Variants in WDR86 observed in about 807,000 individuals in gnomAD.
WDR86 encodes WD repeat domain 86, also known as WD repeat-containing protein 86.
In WDR86, 30 loss-of-function variants were observed where a neutral mutation model predicts 36.5. The observed-to-expected ratio is 0.82, with a 90% confidence interval of 0.61 to 1.11. The LOEUF (loss-of-function observed/expected upper bound fraction) is 1.11. WDR86 is among the 50% of genes most tolerant of loss of function. The pLI, the probability that WDR86 is intolerant of heterozygous loss-of-function variation, is 0.00. For missense variants in WDR86, 545 were observed against 561.2 expected, an observed-to-expected ratio of 0.97 and a Z score of 0.29; for synonymous variants, 255 against 252.9, an observed-to-expected ratio of 1.01 and a Z score of -0.08.
the WDR86 span, among the ~76,000 whole-genome samples, chr7:151,370,381 G>A: frequency 6.6e-6 from 1 of 152,096 alleles, no homozygotes; most frequent in African/African-American, 2.4e-5. Flanking sequence ...GAGCCACTGC[G>A]ACCAGCTGAA....
At position 151,405,233 on chromosome 7, in the gene WDR86, G is replaced by C. The variant is rs566923431; in HGVS notation, c.163+4194C>G. On this transcript the variant is annotated intron_variant, in intron 1 of 5. Transcript: ENST00000334493. The surrounding 1 kb of genome is among the most constrained non-coding windows in gnomAD (Gnocchi z 4.7). The stretch of plus-strand genomic sequence containing the variant: ...GGGAGCCCACCGTGGGTTCCGACAA[G>C]TGGGAGCCGCAGCTGGAGACTCTAG... Among the ~76,000 whole-genome samples, 3 of 147,494 alleles carry C rather than the reference G, an allele frequency of 2.0e-5. No individual in the cohort carries two copies. In the South Asian group the frequency reaches 6.3e-4, roughly 31 times the overall value.
At chr7:151,379,242 C>G (rs1662739432), downstream of WDR86, among the ~76,000 whole-genome samples, 1 of 152,130 alleles carries the variant, frequency 6.6e-6, no homozygotes, top group South Asian at 2.1e-4. Context: ...GATTGCTGAT[C>G]ACAGCGGGGA....
rs372920499 is a variant in WDR86, at chr7:151,395,742, C to T, written c.726+34G>A. ...CAGTGCAGGGGGTGACCTGGGCTCCCCTGGCTGCTGGGCGGGGACCAGGAC... is the reference window on the plus strand; with the variant it reads ...CAGTGCAGGGGGTGACCTGGGCTCCTCTGGCTGCTGGGCGGGGACCAGGAC... On this transcript the variant is annotated intron_variant, in intron 3 of 5. Coordinates refer to ENST00000334493, the MANE Select transcript of WDR86 (RefSeq NM_198285.3). 16 of 1,520,254 alleles carry T rather than the reference C, an allele frequency of 1.1e-5. No individual in the cohort carries two copies. In the African/African-American group the frequency reaches 2.1e-4, roughly 20 times the overall value. 94.2% of individuals were successfully genotyped at this position (1,520,254 alleles called of 1,614,324 possible). A position where few individuals can be genotyped will look rare whatever the true frequency, so the allele number is the denominator to read the frequency against.
chr7:151,402,070 A>AAAATATATATATATATATATATAT, intron 1 of WDR86, among the ~76,000 whole-genome samples: 1 of 50,524 alleles, frequency 2.0e-5, no homozygotes, highest in Non-Finnish European at 3.3e-5. Flanking sequence ...AAAAAAAAAA[A>AAAATATATATATATATATATATAT]ATATATATAT....
Position 151,409,810 on chromosome 7 carries a change from C to T in WDR86, c.-221G>A. The T allele has an allele frequency of 7.9e-7, 1 of 1,260,286 alleles. No homozygotes were observed. Among genetic ancestry groups the T allele is most frequent in the Non-Finnish European group, 9.9e-7 (1 of 1,006,088 alleles). 78.1% of individuals were successfully genotyped at this position (1,260,286 alleles called of 1,614,324 possible). A position where few individuals can be genotyped will look rare whatever the true frequency, so the allele number is the denominator to read the frequency against. On this transcript the variant is annotated 5_prime_UTR_variant, in exon 1 of 6. Transcript: ENST00000334493. The surrounding 1 kb of genome is among the most constrained non-coding windows in gnomAD (Gnocchi z 5.2). ...AACCCAGGGCGCTGCGGGGGGCGGCCCACTCGGGACCTCCGCCCTGGGTAG... is the reference window on the plus strand; with the variant it reads ...AACCCAGGGCGCTGCGGGGGGCGGCTCACTCGGGACCTCCGCCCTGGGTAG...
rs534014089 is a variant in WDR86, at chr7:151,401,762, G to C, written c.164-1521C>G. Among the ~76,000 whole-genome samples, 27 of 152,010 alleles carry C rather than the reference G, an allele frequency of 1.8e-4. No individual in the cohort carries two copies. Among genetic ancestry groups the C allele is most frequent in the Admixed American group, 5.9e-4 (9 of 15,268 alleles). On this transcript the variant is annotated intron_variant, in intron 1 of 5. Coordinates refer to ENST00000334493, the MANE Select transcript of WDR86 (RefSeq NM_198285.3). This position sits in a 1 kb window ranked among gnomAD's most constrained non-coding sequence, Gnocchi z 4.3. ...TATCCGGGGGGTCCTAAATACAACC[G>C]CAAGTGGCCAGGCGCGGTGGCTCAC...
chr7:151,382,267 C>T (rs904220047), intron 4 of WDR86, among the ~76,000 whole-genome samples: 1 of 152,232 alleles, frequency 6.6e-6, no homozygotes, highest in African/African-American at 2.4e-5. Context: ...GTTTCCGTGC[C>T]TGCTTGGGAA....
chr7:151,404,352 G>C (rs891187635), intron 1 of WDR86, among the ~76,000 whole-genome samples: 3 of 152,222 alleles, frequency 2.0e-5, no homozygotes, highest in Admixed American at 6.5e-5. Flanking sequence ...GCTGTGGACA[G>C]GCCTCTTCCC....
rs1326997027 is a variant in WDR86, at chr7:151,396,024, C to G, written c.478G>C (p.Ala160Pro). ...GTCACCAGAAGCCCCCCGGCCGCGG[C>G]CTCCTCCGCGCAGGGAGTGCTGGGG... ...DLPSTPCAEEAAAGGLLVTGS... is the reference protein window; with the variant it reads ...DLPSTPCAEEPAAGGLLVTGS... The change falls in exon 3 of 6, where the codon GCC becomes CCC. Residue 160 changes from alanine to proline, a missense_variant. By Grantham distance (27) the Ala-to-Pro change is conservative. Coordinates refer to ENST00000334493, the MANE Select transcript of WDR86 (RefSeq NM_198285.3). 2 of 1,606,018 alleles carry G rather than the reference C, an allele frequency of 1.2e-6. No homozygotes were observed. The highest frequency in any genetic ancestry group is 1.7e-6 in the Non-Finnish European group (2 of 1,176,260).
At chr7:151,408,787 C>A in intron 1 of WDR86, 1 of 423,340 alleles carries the variant, frequency 2.4e-6, no homozygotes. Context: ...GAGTACAGGG[C>A]ACAAATAGAA....
rs1801084336 is a variant in WDR86 at position 151,409,864 on chromosome 7, C to T, written c.-275G>A. The T allele has an allele frequency of 8.3e-7, 1 of 1,199,092 alleles. No individual in the cohort carries two copies. Among genetic ancestry groups the T allele is most frequent in the East Asian group, 3.7e-5 (1 of 27,088 alleles). The allele number at this position is 1,199,092 out of a possible 1,614,324, so 74.3% of individuals were successfully genotyped here. On this transcript the variant is annotated 5_prime_UTR_variant, in exon 1 of 6. Coordinates refer to ENST00000334493, the MANE Select transcript of WDR86 (RefSeq NM_198285.3). The surrounding 1 kb of genome is among the most constrained non-coding windows in gnomAD (Gnocchi z 5.2). ...CCTGGGCGCGCGGGCAGAGAGAACCCCCTTCCCAGCACCGCTCGGAGGATC... is the reference window on the plus strand; with the variant it reads ...CCTGGGCGCGCGGGCAGAGAGAACCTCCTTCCCAGCACCGCTCGGAGGATC...
chr7:151,395,205 G>A (rs868406078), intron 3 of WDR86, among the ~76,000 whole-genome samples: 1 of 152,158 alleles, frequency 6.6e-6, no homozygotes, highest in Non-Finnish European at 1.5e-5. Context: ...GGCTGCCGGC[G>A]TTCACCCTGA....
chr7:151,396,166 G>T lies in WDR86; in HGVS notation c.336C>A (p.Ser112Arg), dbSNP rs1037074366. ...CCCGAGCTGTCCGGTCATAGGAGCT[G>T]CTGAAGAGCTGGTTGTTGGCAACCA... ...RILVANNQLF[S>R]SSYDRTARVW... Residue 112 changes from serine to arginine, a missense_variant, in exon 3 of 6, where the codon AGC becomes AGA. Transcript: ENST00000334493. The T allele has an allele frequency of 2.2e-5, 35 of 1,612,860 alleles. No individual in the cohort carries two copies. The highest frequency in any genetic ancestry group is 2.5e-5 in the Non-Finnish European group (30 of 1,179,898).
chr7:151,381,575 C>T lies in WDR86; in HGVS notation c.*7G>A. 1.5e-6 allele frequency: 2 copies of T among 1,372,072 alleles called. No homozygotes were observed. Among genetic ancestry groups the T allele is most frequent in the Non-Finnish European group, 1.9e-6 (2 of 1,072,948 alleles). 85.0% of individuals were successfully genotyped at this position (1,372,072 alleles called of 1,614,324 possible). A position where few individuals can be genotyped will look rare whatever the true frequency, so the allele number is the denominator to read the frequency against. On this transcript the variant is annotated 3_prime_UTR_variant, in exon 6 of 6. Coordinates refer to ENST00000334493, the MANE Select transcript of WDR86 (RefSeq NM_198285.3). The surrounding 1 kb of genome is among the most constrained non-coding windows in gnomAD (Gnocchi z 4.8). ...TCTGGGCTGGCGTCTGCAGGGGCCC[C>T]GCGGGATCAGGCCGGCTGCAGGGGC...
chr7:151,408,617 C>G (rs1213861388), intron 1 of WDR86: 2 of 262,940 alleles, frequency 7.6e-6, no homozygotes, highest in African/African-American at 2.2e-5. Context: ...TGGAAAAGCC[C>G]GCGGTGATAA....
chr7:151,408,793 T>C (rs1250676185), intron 1 of WDR86: 3 of 426,894 alleles, frequency 7.0e-6, no homozygotes, highest in South Asian at 1.8e-5. Context: ...AGGGCACAAA[T>C]AGAAACCAAC....
intron 1 of WDR86, among the ~76,000 whole-genome samples, chr7:151,400,796 C>T (rs1432241091): frequency 6.6e-6 from 1 of 152,240 alleles, no homozygotes; most frequent in African/African-American, 2.4e-5. Flanking sequence ...CAGGACGCAG[C>T]AACCATGGCG....
chr7:151,397,486 C>T (rs1325549770), intron 2 of WDR86, among the ~76,000 whole-genome samples: 9 of 152,190 alleles, frequency 5.9e-5, no homozygotes, highest in African/African-American at 1.9e-4. Context: ...CGCAGTGGCA[C>T]GATCTCGGCT....
At chr7:151,377,042 T>G, downstream of WDR86, 1 of 1,538,376 alleles carries the variant, frequency 6.5e-7, no homozygotes, top group Non-Finnish European at 8.7e-7. Context: ...GGTATTTTAT[T>G]GTAGGAACCT....
Sources: gnomAD v4.1 joint callset for allele counts (sites outside exome capture counted in the v4.1 genomes callset) on GRCh38, gnomAD v4.1.1 for gene constraint, Gnocchi (gnomAD v3.1) non-coding constraint, MANE v1.5 for transcripts, NCBI Gene and HGNC (gene_info 2026-07-23, HGNC 2026-07-21) for gene names.